The following NUP93 variants were observed in gnomAD, a reference collection of about 807,000 sequenced individuals.
NUP93 encodes nuclear pore complex protein Nup93.
NUP93 carries 55 observed loss-of-function variants against 107.8 expected under a neutral mutation model. The ratio of observed to expected loss-of-function variants is 0.51; its 90% confidence interval spans 0.41 to 0.64. The LOEUF is 0.64. NUP93 is among the 30% of genes least tolerant of loss of function. The probability of loss-of-function intolerance (pLI) is 0.00; values close to 1 mark genes in which losing one functional copy is unlikely to be tolerated. For synonymous variants in NUP93, 390 were observed against 397.5 expected, an observed-to-expected ratio of 0.98 and a Z score of 0.22; for missense variants, 937 against 1,044.7, an observed-to-expected ratio of 0.90 and a Z score of 1.42.
chr16:56,821,470 A>G (rs760879187), intron 6 of NUP93, 34 bp from the exon 7 acceptor site: 41 of 1,381,534 alleles, frequency 3.0e-5, no homozygotes, highest in Non-Finnish European at 4.1e-5. Flanking sequence ...GAAAATAGAT[A>G]CTTTGCCATT....
At chr16:56,834,107 A>G (rs1351954108) in intron 13 of NUP93, 21 bp from the exon 14 acceptor site, 2 of 1,613,732 alleles carry the variant, frequency 1.2e-6, no homozygotes, top group African/African-American at 1.3e-5. Context: ...GTTGTGACCC[A>G]TTCTGACCCC....
intron 5 of NUP93, among the ~76,000 whole-genome samples, chr16:56,810,020 G>A (rs940158627): frequency 1.1e-4 from 16 of 152,124 alleles, no homozygotes; most frequent in African/African-American, 3.6e-4. Context: ...GTTCTGTATT[G>A]GGATTTGGAT....
intron 13 of NUP93, 42 bp downstream of exon 13, chr16:56,833,448 A>G (rs748334214): frequency 2.1e-6 from 3 of 1,459,690 alleles, no homozygotes; most frequent in South Asian, 1.5e-5. Flanking sequence ...TAACCACAGC[A>G]CGTCCCCCTT....
chr16:56,791,835 G>A (rs1962770189), intron 3 of NUP93, among the ~76,000 whole-genome samples: 1 of 152,198 alleles, frequency 6.6e-6, no homozygotes, highest in African/African-American at 2.4e-5. Context: ...CAGATGTGTA[G>A]CATTTATTGT....
intron 5 of NUP93, among the ~76,000 whole-genome samples, chr16:56,809,724 C>A (rs1480042873): frequency 6.6e-6 from 1 of 152,086 alleles, no homozygotes; most frequent in Non-Finnish European, 1.5e-5. Context: ...CTGGTTTGTT[C>A]CTGATTTAAA....
chr16:56,731,695 GCCACCACA>G (rs1222301960), intron 1 of NUP93, among the ~76,000 whole-genome samples: 2 of 152,108 alleles, frequency 1.3e-5, no homozygotes, highest in Non-Finnish European at 1.5e-5. Flanking sequence ...ACAGGTGTGG[GCCACCACA>G]CCCAGTCTTC....
chr16:56,818,669 C>T lies in NUP93; in HGVS notation c.495C>T (p.Ser165=), dbSNP rs1963483996. The T allele has an allele frequency of 6.2e-7, 1 of 1,613,802 alleles. No individual in the cohort carries two copies. The highest frequency in any genetic ancestry group is 8.5e-7 in the Non-Finnish European group (1 of 1,179,798). Residue 165 remains serine, a synonymous_variant, in exon 6 of 22, where the codon AGC becomes AGT. Coordinates refer to ENST00000308159, the MANE Select transcript of NUP93 (RefSeq NM_014669.5). Reference sequence around the variant, plus strand: ...GAATGTGTATTTATCCACAGCCAAGCTACATCAGTGATGTGGGACCCCCTG... The same window carrying T: ...GAATGTGTATTTATCCACAGCCAAGTTACATCAGTGATGTGGGACCCCCTG... ...ALDFTQESEP[S]YISDVGPPGR...
chr16:56,842,656 C>T, intron 21 of NUP93: 1 of 450,570 alleles, frequency 2.2e-6, no homozygotes, highest in Non-Finnish European at 4.4e-6. Flanking sequence ...GGGCTCAAGC[C>T]ACCCTCCCAC....
At position 56,833,196 on chromosome 16, in the gene NUP93, C is replaced by T; in HGVS notation, c.1346-19C>T. 6.3e-7 allele frequency: 1 copy of T among 1,582,678 alleles called. No homozygotes were observed. The highest frequency in any genetic ancestry group is 8.6e-7 in the Non-Finnish European group (1 of 1,169,464). On this transcript the variant is annotated intron_variant, in intron 12 of 21. Coordinates refer to ENST00000308159, the MANE Select transcript of NUP93 (RefSeq NM_014669.5). ...TCTTTCTAAGTTGGTTTTATCTCCT[C>T]TCCTCTCCTCTCTCCCAGGCGAGTC... is the stretch of plus-strand genomic sequence containing the variant.
rs1451794603 is a variant in NUP93, at chr16:56,832,301, C to A, written c.1258C>A (p.Gln420Lys). 6.2e-7 allele frequency: 1 copy of A among 1,613,694 alleles called. No homozygotes were observed. Among genetic ancestry groups the A allele is most frequent in the Non-Finnish European group, 8.5e-7 (1 of 1,179,758 alleles). ...TEDYLWLKLN[Q>K]VCFDDDGTSS... is the part of the protein sequence containing the mutation. ...GTTTCTCTTGGGGATTTAGTTGAAC[C>A]AAGTGTGTTTTGACGACGATGGCAC... Residue 420 changes from glutamine (Q) to lysine (K), a missense_variant, in exon 12 of 22, where the codon CAA becomes AAA. Transcript: ENST00000308159.
At chr16:56,774,417 A>G (rs1250996609) in intron 3 of NUP93, among the ~76,000 whole-genome samples, 3 of 151,730 alleles carry the variant, frequency 2.0e-5, no homozygotes, top group African/African-American at 7.3e-5. Context: ...TTCTCTCTGT[A>G]TGCCCCCCAC....
intron 2 of NUP93, among the ~76,000 whole-genome samples, chr16:56,757,143 G>A (rs1962039233): frequency 6.6e-6 from 1 of 152,164 alleles, no homozygotes; most frequent in Non-Finnish European, 1.5e-5. Flanking sequence ...CTACATATGC[G>A]AAATCCTTTC....
chr16:56,822,227 C>T (rs1963560178), intron 7 of NUP93, among the ~76,000 whole-genome samples: 1 of 151,718 alleles, frequency 6.6e-6, no homozygotes, highest in Admixed American at 6.6e-5. Context: ...TTAAAAATTG[C>T]TCAGCCCGTT....
In NUP93 at chr16:56,837,699, A is replaced by G. The variant is rs1158628594; in HGVS notation, c.1991A>G (p.Lys664Arg). Residue 664 changes from lysine to arginine, a missense_variant, in exon 18 of 22, where the codon AAG becomes AGG. Coordinates refer to ENST00000308159, the MANE Select transcript of NUP93 (RefSeq NM_014669.5). ...SAPQSNKERL[K>R]NMALSIAERY... ...CCGCAATCCAACAAGGAGAGGCTGAAGAACATGGCACTCTCCATTGCCGAA... is the reference window on the plus strand; with the variant it reads ...CCGCAATCCAACAAGGAGAGGCTGAGGAACATGGCACTCTCCATTGCCGAA... The G allele has an allele frequency of 1.2e-6, 2 of 1,613,952 alleles. No homozygotes were observed. The highest frequency in any genetic ancestry group is 2.7e-5 in the African/African-American group (2 of 74,938).
At chr16:56,805,913 G>A (rs1450681426) in intron 5 of NUP93, among the ~76,000 whole-genome samples, 2 of 151,568 alleles carry the variant, frequency 1.3e-5, no homozygotes, top group African/African-American at 4.9e-5. Context: ...TCTCTCAATC[G>A]CTATCCTGTG....
Position 56,823,546 on chromosome 16 carries a change from C to G in NUP93, c.655-161C>G, listed in dbSNP as rs371284339. ...AACTCTGAAGTCTGGCCAGCAGAGA[C>G]GCATCTTCTGCACTGAGCTTAAGCC... On this transcript the variant is annotated intron_variant, in intron 7 of 21. Coordinates refer to ENST00000308159, the MANE Select transcript of NUP93 (RefSeq NM_014669.5). 1.5e-3 allele frequency among the ~76,000 whole-genome samples: 227 copies of G among 152,256 alleles called. 1 individual carries two copies. The highest frequency in any genetic ancestry group is 4.1e-3 in the African/African-American group (170 of 41,558).
intron 1 of NUP93, among the ~76,000 whole-genome samples, chr16:56,730,511 C>T (rs920887513): frequency 1.3e-5 from 2 of 152,136 alleles, no homozygotes; most frequent in African/African-American, 2.4e-5. Context: ...CGCCCCTGCC[C>T]TCACCTCCAC....
intron 7 of NUP93, 68 bp downstream of exon 7, chr16:56,821,661 AT>A: frequency 9.9e-7 from 1 of 1,007,230 alleles, no homozygotes. Context: ...CAACTTGCCG[AT>A]TTGGTTGAAA....
intron 3 of NUP93, among the ~76,000 whole-genome samples, chr16:56,777,149 G>A (rs529891903): frequency 3.2e-4 from 49 of 152,282 alleles, no homozygotes; most frequent in African/African-American, 1.1e-3. Context: ...AATTGCCCTG[G>A]AGAAATATTG....
Sources: gnomAD v4.1 joint callset for allele counts (sites outside exome capture counted in the v4.1 genomes callset) on GRCh38, gnomAD v4.1.1 for gene constraint, MANE v1.5 for transcripts, NCBI Gene and HGNC (gene_info 2026-07-23, HGNC 2026-07-21) for gene names.